Variants in C1orf105 observed in about 807,000 individuals in gnomAD.
C1orf105 encodes the protein chromosome 1 open reading frame 105.
In C1orf105, 17 loss-of-function variants were observed where a neutral mutation model predicts 20.8. The observed-to-expected ratio is 0.82, with a 90% CI of 0.56 to 1.23. The LOEUF is 1.23. C1orf105 is among the 50% of genes most tolerant of loss of function. The pLI is 0.00. For synonymous variants in C1orf105, 72 were observed against 72.1 expected (o/e 1.00, Z 0.01); for missense variants, 219 against 213.5 (o/e 1.03, Z -0.16).
intron 2 of C1orf105, among the ~76,000 whole-genome samples, chr1:172,446,905 C>T (rs1043804421): frequency 2.0e-5 from 3 of 152,220 alleles, no homozygotes; most frequent in African/African-American, 4.8e-5. Context: ...GGCAGTGAAG[C>T]TCTACTCATC....
At chr1:172,465,998 T>C (rs926150591) in intron 6 of C1orf105, among the ~76,000 whole-genome samples, 1 of 152,246 alleles carries the variant, frequency 6.6e-6, no homozygotes, top group Admixed American at 6.5e-5. Context: ...TTAGTGACTT[T>C]GTCCATTTTC....
At chr1:172,422,431 A>T (rs116466606) in intron 1 of C1orf105, among the ~76,000 whole-genome samples, 7 of 152,266 alleles carry the variant, frequency 4.6e-5, no homozygotes, top group African/African-American at 1.7e-4. Context: ...GGCAGATTTC[A>T]TCACATGCTG....
At chr1:172,452,971 GA>G (rs975918409) in intron 3 of C1orf105, 1 of 1,547,062 alleles carries the variant, frequency 6.5e-7, no homozygotes, top group African/African-American at 1.4e-5. Context: ...TGCAACAGAA[GA>G]AAAAGACCAA....
intron 4 of C1orf105, among the ~76,000 whole-genome samples, chr1:172,459,282 A>G (rs1379895816): frequency 6.6e-6 from 1 of 152,182 alleles, no homozygotes; most frequent in African/African-American, 2.4e-5. Context: ...TCAACAGATG[A>G]AGGATTATGT....
intron 6 of C1orf105, 74 bp from the exon 7 acceptor site, chr1:172,468,375 G>C: frequency 1.7e-6 from 2 of 1,194,020 alleles, no homozygotes; most frequent in Non-Finnish European, 2.3e-6. Flanking sequence ...GTTGGCCTGT[G>C]GTTATTTTGA....
chr1:172,431,583 CAGA>C (rs1460722617), intron 1 of C1orf105, among the ~76,000 whole-genome samples: 1 of 152,194 alleles, frequency 6.6e-6, no homozygotes, highest in East Asian at 1.9e-4. Flanking sequence ...GCAAGTTATC[CAGA>C]AGATCTAGCT....
At chr1:172,458,761 G>A (rs1036465046) in intron 4 of C1orf105, among the ~76,000 whole-genome samples, 2 of 152,054 alleles carry the variant, frequency 1.3e-5, no homozygotes, top group Admixed American at 6.6e-5. Flanking sequence ...AAAGAAGAAC[G>A]AAGTTGGAGG....
At chr1:172,421,498 A>G (rs925016407) in intron 1 of C1orf105, among the ~76,000 whole-genome samples, 1 of 152,162 alleles carries the variant, frequency 6.6e-6, no homozygotes, top group Non-Finnish European at 1.5e-5. Flanking sequence ...AACCACCACA[A>G]GTTGAAAATA....
rs780356958 is a variant in C1orf105 at position 172,468,812 on chromosome 1, C to G, written c.*218C>G. On this transcript the variant is annotated 3_prime_UTR_variant, in exon 7 of 7. Coordinates refer to ENST00000367727, the MANE Select transcript of C1orf105 (RefSeq NM_139240.4). ...GTTTAATTTACATGATTATAAAGAT[C>G]TGTTTATGAAAATGGAACATGGTAA... 1.2e-5 allele frequency: 5 copies of G among 403,692 alleles called. No homozygotes were observed. The highest frequency in any genetic ancestry group is 2.2e-5 in the Non-Finnish European group (5 of 226,462). The allele number at this position is 403,692 out of a possible 1,614,324, so 25.0% of individuals were successfully genotyped here.
chr1:172,422,498 G>A (rs766982472), intron 1 of C1orf105, among the ~76,000 whole-genome samples: 9 of 152,082 alleles, frequency 5.9e-5, no homozygotes, highest in Admixed American at 5.2e-4. Context: ...ACTACATACC[G>A]TGGGCCTCAG....
chr1:172,426,214 T>C (rs1187928445), intron 1 of C1orf105, among the ~76,000 whole-genome samples: 7 of 152,176 alleles, frequency 4.6e-5, no homozygotes, highest in Non-Finnish European at 8.8e-5. Context: ...TGCATCCTTT[T>C]CCAAAGGTGG....
chr1:172,449,623 T>G (rs139137580), intron 3 of C1orf105, among the ~76,000 whole-genome samples: 1 of 152,308 alleles, frequency 6.6e-6, no homozygotes, highest in African/African-American at 2.4e-5. Context: ...TGGGCCCAGC[T>G]AATGCACACA....
chr1:172,451,815 C>T (rs995022719), intron 3 of C1orf105, among the ~76,000 whole-genome samples: 3 of 147,486 alleles, frequency 2.0e-5, no homozygotes, highest in African/African-American at 7.6e-5. Flanking sequence ...GTTCTTTGAG[C>T]ACTACTTTTG....
chr1:172,456,432 T>A lies in C1orf105; in HGVS notation c.216T>A (p.Cys72Ter), dbSNP rs1649257678. 6.2e-7 allele frequency: 1 copy of A among 1,613,244 alleles called. No homozygotes were observed. Among genetic ancestry groups the A allele is most frequent in the South Asian group, 1.1e-5 (1 of 91,072 alleles). ...CCCCTCAGGCCAGGAGGAACCAGTG[T>A]GACTCCATGCTGCTCAGAAACCAAC... ...DVLSKARRNQ[C>*]DSMLLRNQQL... The change falls in exon 4 of 7, where the codon TGT becomes TGA. Residue 72 changes from cysteine to a stop codon, truncating the protein, a stop_gained. Transcript: ENST00000367727. LOFTEE classifies it high-confidence loss of function.
chr1:172,463,732 C>T (rs895463310), intron 5 of C1orf105, among the ~76,000 whole-genome samples: 8 of 152,272 alleles, frequency 5.3e-5, no homozygotes, highest in Admixed American at 5.2e-4. Context: ...TATTTAAATA[C>T]AAAATTCCAG....
chr1:172,444,214 G>T (rs550776217), intron 1 of C1orf105: 16 of 985,972 alleles, frequency 1.6e-5, no homozygotes, highest in Non-Finnish European at 1.9e-5. Context: ...AAACCCGAAT[G>T]CTCTGAGCCT....
intron 3 of C1orf105, chr1:172,453,168 T>C (rs1262090285): frequency 1.3e-6 from 2 of 1,551,078 alleles, no homozygotes; most frequent in South Asian, 1.2e-5. Context: ...GAGGCCAGGC[T>C]TCAGCTGATA....
At chr1:172,458,550 A>G (rs1291058404) in intron 4 of C1orf105, among the ~76,000 whole-genome samples, 3 of 152,192 alleles carry the variant, frequency 2.0e-5, no homozygotes, top group Non-Finnish European at 2.9e-5. Context: ...GAAAATTTAA[A>G]AGGCCTAAAT....
At chr1:172,452,743 G>A in intron 3 of C1orf105, 1 of 1,258,170 alleles carries the variant, frequency 7.9e-7, no homozygotes. Flanking sequence ...ATCATACCTT[G>A]GCCAGGCTAC....
Sources: gnomAD v4.1 joint callset for allele counts (sites outside exome capture counted in the v4.1 genomes callset) on GRCh38, gnomAD v4.1.1 for gene constraint, MANE v1.5 for transcripts, NCBI Gene and HGNC (gene_info 2026-07-23, HGNC 2026-07-21) for gene names.